Variants in PLXNC1 observed in about 807,000 individuals in gnomAD.
The protein encoded by PLXNC1 is plexin C1.
PLXNC1 carries 75 observed loss-of-function variants against 178.2 expected under a neutral mutation model. The ratio of observed to expected loss-of-function variants is 0.42; its 90% CI spans 0.35 to 0.51. The LOEUF (loss-of-function observed/expected upper bound fraction) is 0.51, where lower values mean the gene tolerates loss of function less well. Ranked by LOEUF, PLXNC1 falls within the 20% of genes least tolerant of loss-of-function variation. PLXNC1 has a pLI of 0.02. For missense variants in PLXNC1, 1,503 were observed against 1,984.4 expected, an observed-to-expected ratio of 0.76 and a Z score of 4.61; for synonymous variants, 790 against 779.9, an observed-to-expected ratio of 1.01 and a Z score of -0.22.
chr12:94,294,505 T>A lies in PLXNC1; in HGVS notation c.3899T>A (p.Ile1300Lys). 2 of 1,321,912 alleles carry A rather than the reference T, an allele frequency of 1.5e-6. No individual in the cohort carries two copies. Among genetic ancestry groups the A allele is most frequent in the Non-Finnish European group, 2.2e-6 (2 of 922,852 alleles). The allele number at this position is 1,321,912 out of a possible 1,614,324, so 81.9% of individuals were successfully genotyped here. A position where few individuals can be genotyped will look rare whatever the true frequency, so the allele number is the denominator to read the frequency against. The change falls in exon 24 of 31, where the codon ATA becomes AAA. Residue 1300 changes from isoleucine to lysine, a missense_variant. This residue lies in a region of PLXNC1 where 639 missense variants were observed against 979.7 expected (regional missense o/e 0.65). Coordinates refer to ENST00000258526, the MANE Select transcript of PLXNC1 (RefSeq NM_005761.3). ...TTTCAGATATCAAATGGATCCACTATAAAAGTCTTTAAGAAGATAGCAAAT... is the reference window on the plus strand; with the variant it reads ...TTTCAGATATCAAATGGATCCACTAAAAAAGTCTTTAAGAAGATAGCAAAT... The part of the protein sequence containing the change: ...GHYEISNGST[I>K]KVFKKIANFT...
At chr12:94,265,343 G>A (rs1965176508) in intron 21 of PLXNC1, 118 bp downstream of exon 21, 1 of 844,308 alleles carries the variant, frequency 1.2e-6, no homozygotes, top group Non-Finnish European at 1.8e-6. Flanking sequence ...GGCCCTGTGT[G>A]TTTAGTTAAT....
At chr12:94,189,366 G>T (rs180750641) in intron 4 of PLXNC1, among the ~76,000 whole-genome samples, 1 of 152,118 alleles carries the variant, frequency 6.6e-6, no homozygotes, top group Non-Finnish European at 1.5e-5. Flanking sequence ...GGTCTGTGTT[G>T]GAAGTTCAAG....
At chr12:94,301,932 G>T (rs1212712783) in intron 28 of PLXNC1, among the ~76,000 whole-genome samples, 1 of 152,080 alleles carries the variant, frequency 6.6e-6, no homozygotes, top group Non-Finnish European at 1.5e-5. Context: ...TGTCTCAAAT[G>T]TCTGTCGCTC....
At chr12:94,170,911 A>C (rs1961818510) in intron 2 of PLXNC1, among the ~76,000 whole-genome samples, 1 of 152,174 alleles carries the variant, frequency 6.6e-6, no homozygotes, top group African/African-American at 2.4e-5. Context: ...CTGTAGCTCC[A>C]CCAACCTGGT....
chr12:94,289,664 G>C (rs1967077523), intron 23 of PLXNC1, among the ~76,000 whole-genome samples: 2 of 152,100 alleles, frequency 1.3e-5, no homozygotes, highest in African/African-American at 4.8e-5. Flanking sequence ...TTTTCAAAAA[G>C]GCATTTCTGT....
At chr12:94,272,841 G>A (rs1370552598) in intron 21 of PLXNC1, among the ~76,000 whole-genome samples, 7 of 152,328 alleles carry the variant, frequency 4.6e-5, no homozygotes, top group Admixed American at 3.9e-4. Context: ...GTTCTGTGGG[G>A]TTCAATATCA....
At chr12:94,169,355 A>G in intron 2 of PLXNC1, 62 bp downstream of exon 2, 2 of 1,435,082 alleles carry the variant, frequency 1.4e-6, no homozygotes, top group African/African-American at 1.9e-5. Context: ...ACTTTAAAAA[A>G]ACATTTTTTT....
At chr12:94,212,124 A>C (rs1963488945) in intron 5 of PLXNC1, among the ~76,000 whole-genome samples, 1 of 151,584 alleles carries the variant, frequency 6.6e-6, no homozygotes, top group Non-Finnish European at 1.5e-5. Context: ...AATACAAAAA[A>C]TTAGCCGGGC....
intron 1 of PLXNC1, among the ~76,000 whole-genome samples, chr12:94,154,124 A>G (rs1254662978): frequency 1.3e-5 from 2 of 152,232 alleles, no homozygotes; most frequent in East Asian, 1.9e-4. Context: ...TCTACTGAAT[A>G]GTTATTATGG....
intron 2 of PLXNC1, among the ~76,000 whole-genome samples, chr12:94,177,752 C>A (rs1962156995): frequency 6.6e-6 from 1 of 152,158 alleles, no homozygotes; most frequent in South Asian, 2.1e-4. Context: ...ATCAATGATG[C>A]TCCAAGAGTA....
At chr12:94,203,183 G>A (rs546370220) in intron 4 of PLXNC1, among the ~76,000 whole-genome samples, 3 of 152,228 alleles carry the variant, frequency 2.0e-5, no homozygotes, top group East Asian at 1.9e-4. Context: ...AATTTGATCC[G>A]CCGTGAGGAT....
intron 6 of PLXNC1, among the ~76,000 whole-genome samples, chr12:94,222,048 T>C (rs1057072958): frequency 6.6e-6 from 1 of 152,166 alleles, no homozygotes; most frequent in African/African-American, 2.4e-5. Context: ...AGCCACTGGG[T>C]GGTGGCTGTT....
chr12:94,241,582 C>G (rs184875620), intron 11 of PLXNC1, among the ~76,000 whole-genome samples: 2 of 152,324 alleles, frequency 1.3e-5, no homozygotes, highest in East Asian at 3.9e-4. Context: ...CCAACTTTCT[C>G]AGCTCCCACA....
intron 1 of PLXNC1, among the ~76,000 whole-genome samples, chr12:94,159,677 C>T (rs549411477): frequency 5.7e-4 from 86 of 152,160 alleles, no homozygotes; most frequent in African/African-American, 1.1e-3. Context: ...TTTTCTTCTC[C>T]GAGCACAGGA....
chr12:94,304,842 T>TA (rs1968838724), intron 30 of PLXNC1, among the ~76,000 whole-genome samples: 1 of 152,198 alleles, frequency 6.6e-6, no homozygotes, highest in Non-Finnish European at 1.5e-5. Flanking sequence ...CTGCTGCATT[T>TA]AAGGAGAAAT....
chr12:94,220,515 A>G (rs1187900936), intron 6 of PLXNC1, among the ~76,000 whole-genome samples: 1 of 152,186 alleles, frequency 6.6e-6, no homozygotes, highest in Non-Finnish European at 1.5e-5. Flanking sequence ...TTAACAACCA[A>G]TGTTCCATCA....
intron 28 of PLXNC1, 97 bp downstream of exon 28, chr12:94,301,154 C>A: frequency 2.1e-6 from 2 of 959,764 alleles, no homozygotes; most frequent in Admixed American, 2.3e-5. Context: ...TTGGTCTAAA[C>A]TACACCAGCT....
rs547700214 is a variant in PLXNC1 at position 94,235,206 on chromosome 12, G to T, written c.1981-2458G>T. On this transcript the variant is annotated intron_variant, in intron 9 of 30. Coordinates refer to ENST00000258526, the MANE Select transcript of PLXNC1 (RefSeq NM_005761.3). ...AGAGAACCCTCTCTAAACAATAGGGGTTTAAAATGTTTTTGAAGTAGCAAG... is the reference window on the plus strand; with the variant it reads ...AGAGAACCCTCTCTAAACAATAGGGTTTTAAAATGTTTTTGAAGTAGCAAG... 1.6e-3 allele frequency among the ~76,000 whole-genome samples: 239 copies of T among 152,192 alleles called. 1 individual carries two copies. Among genetic ancestry groups the T allele is most frequent in the African/African-American group, 5.6e-3 (231 of 41,506 alleles).
At chr12:94,246,121 A>G (rs1366095948) in intron 12 of PLXNC1, among the ~76,000 whole-genome samples, 1 of 152,224 alleles carries the variant, frequency 6.6e-6, no homozygotes, top group Non-Finnish European at 1.5e-5. Flanking sequence ...AACCCCCAGC[A>G]GGGGCCAGCT....
Sources: gnomAD v4.1 joint callset for allele counts (sites outside exome capture counted in the v4.1 genomes callset) on GRCh38, gnomAD v4.1.1 for gene constraint, gnomAD v4.1.1 regional missense constraint, MANE v1.5 for transcripts, NCBI Gene and HGNC (gene_info 2026-07-23, HGNC 2026-07-21) for gene names.